The following SOAT2 variants were observed in gnomAD, a reference collection of about 807,000 sequenced individuals.
SOAT2 encodes the protein sterol O-acyltransferase 2, also known as ACAT-2.
In SOAT2, 87 loss-of-function variants were observed where a neutral mutation model predicts 76.0. The observed-to-expected ratio is 1.14, with a 90% confidence interval of 0.96 to 1.37. SOAT2 has a LOEUF of 1.37. Among genes scored for constraint, SOAT2 ranks in the 40% most tolerant of loss-of-function variants. The pLI is 0.00. For synonymous variants in SOAT2, 285 were observed against 275.4 expected (o/e 1.03, Z -0.34); for missense variants, 686 against 682.1 (o/e 1.01, Z -0.06).
Position 53,107,622 on chromosome 12 carries a change from C to CTT in SOAT2, c.443+1625_443+1626dup, listed in dbSNP as rs1303838303. On this transcript the variant is annotated intron_variant, in intron 5 of 14. Transcript: ENST00000301466. ...AGACTAGAATTTAACAACAGATGTA[C>CTT]TTTTTTTTTTTTTTTTTTGAGACAG... 1.0e-4 allele frequency among the ~76,000 whole-genome samples: 12 copies of CTT among 117,024 alleles called. 1 individual carries two copies. The highest frequency in any genetic ancestry group is 1.6e-4 in the Non-Finnish European group (9 of 57,322). 76.8% of individuals were successfully genotyped at this position (117,024 alleles called of 152,430 possible). A position where few individuals can be genotyped will look rare whatever the true frequency, so the allele number is the denominator to read the frequency against.
intron 7 of SOAT2, among the ~76,000 whole-genome samples, chr12:53,116,467 T>C (rs1442937352): frequency 6.6e-6 from 1 of 152,228 alleles, no homozygotes; most frequent in African/African-American, 2.4e-5. Context: ...AGAGTATATT[T>C]AGCATCATTC....
Position 53,105,551 on chromosome 12 carries a change from C to T in SOAT2, c.276-10C>T. ...CTTTTTCCTGACCCTGAACAAACATCTCAATTCAGGACCCAGGAGCCATCC... is the reference window on the plus strand; with the variant it reads ...CTTTTTCCTGACCCTGAACAAACATTTCAATTCAGGACCCAGGAGCCATCC... On this transcript the variant is annotated splice_polypyrimidine_tract_variant and intron_variant, in intron 3 of 14. Coordinates refer to ENST00000301466, the MANE Select transcript of SOAT2 (RefSeq NM_003578.4). 6.2e-7 allele frequency: 1 copy of T among 1,609,886 alleles called. No homozygotes were observed. The highest frequency in any genetic ancestry group is 1.7e-5 in the Admixed American group (1 of 59,752).
chr12:53,116,387 CTTTCCTA>C (rs891889395), intron 7 of SOAT2, among the ~76,000 whole-genome samples: 36 of 152,380 alleles, frequency 2.4e-4, no homozygotes, highest in African/African-American at 7.9e-4. Flanking sequence ...ACTTCTGGCA[CTTTCCTA>C]TTTCCTATTT....
At chr12:53,124,017 C>G in intron 14 of SOAT2, 56 bp from the exon 15 acceptor site, 1 of 1,608,106 alleles carries the variant, frequency 6.2e-7, no homozygotes, top group Non-Finnish European at 8.5e-7. Context: ...GTCTTGGATG[C>G]ATGGGTTGAG....
chr12:53,111,926 C>G lies in SOAT2; in HGVS notation c.444-3464C>G, dbSNP rs112094571. ...TTTCAGTAGTGAAACATGGTATACA[C>G]AAGACATAAATACGCAGACGTATTA... is the stretch of plus-strand genomic sequence containing the variant. On this transcript the variant is annotated intron_variant, in intron 5 of 14. Coordinates refer to ENST00000301466, the MANE Select transcript of SOAT2 (RefSeq NM_003578.4). 8.3e-3 allele frequency among the ~76,000 whole-genome samples: 1,262 copies of G among 152,248 alleles called. 13 individuals carry two copies. Among genetic ancestry groups the G allele is most frequent in the African/African-American group, 0.029 (1,188 of 41,540 alleles).
intron 13 of SOAT2, 108 bp downstream of exon 13, chr12:53,123,324 G>A: frequency 7.1e-7 from 1 of 1,404,012 alleles, no homozygotes; most frequent in Non-Finnish European, 9.9e-7. Flanking sequence ...CAGGCCTGGA[G>A]GCAAGGCTGC....
chr12:53,103,680 C>T (rs1169871510), intron 1 of SOAT2, 21 bp downstream of exon 1: 2 of 1,499,534 alleles, frequency 1.3e-6, no homozygotes, highest in African/African-American at 1.4e-5. Flanking sequence ...CTCGGGGGTG[C>T]AGAAGGCACA....
chr12:53,104,312 AAC>A, intron 2 of SOAT2, 106 bp downstream of exon 2: 2 of 778,456 alleles, frequency 2.6e-6, no homozygotes, highest in Non-Finnish European at 2.1e-6. Context: ...TTTTTTTTGA[AAC>A]AAAGTCTCGC....
intron 5 of SOAT2, among the ~76,000 whole-genome samples, 176 bp downstream of exon 5, chr12:53,106,190 T>C (rs771385278): frequency 1.3e-5 from 2 of 152,254 alleles, no homozygotes; most frequent in Non-Finnish European, 2.9e-5. Flanking sequence ...GATCCCTTCC[T>C]TCCCCAGCCT....
At chr12:53,109,849 A>G (rs1937987488) in intron 5 of SOAT2, among the ~76,000 whole-genome samples, 1 of 152,228 alleles carries the variant, frequency 6.6e-6, no homozygotes, top group Non-Finnish European at 1.5e-5. Context: ...ATGTTTGACC[A>G]TAAGGTAAGA....
At chr12:53,123,348 T>C in intron 13 of SOAT2, 132 bp downstream of exon 13, 1 of 1,167,416 alleles carries the variant, frequency 8.6e-7, no homozygotes, top group South Asian at 1.3e-5. Context: ...GACTGAGAGG[T>C]GGAGTCAAGG....
At chr12:53,117,089 G>T (rs952469018) in intron 7 of SOAT2, among the ~76,000 whole-genome samples, 1 of 151,128 alleles carries the variant, frequency 6.6e-6, no homozygotes, top group Non-Finnish European at 1.5e-5. Flanking sequence ...CTCCTGAGTA[G>T]CTGGGATTAT....
chr12:53,103,803 G>A (rs1937879828), intron 1 of SOAT2, 144 bp downstream of exon 1: 1 of 708,166 alleles, frequency 1.4e-6, no homozygotes, highest in Non-Finnish European at 2.3e-6. Flanking sequence ...CCTGGCCTCA[G>A]CCCAGAGCCA....
chr12:53,121,024 G>A, intron 11 of SOAT2, 141 bp downstream of exon 11: 1 of 710,630 alleles, frequency 1.4e-6, no homozygotes, highest in East Asian at 2.6e-5. Flanking sequence ...CTCTGGATGT[G>A]CTTATAATGC....
chr12:53,123,598 C>T, intron 13 of SOAT2, 130 bp from the exon 14 acceptor site: 1 of 1,082,120 alleles, frequency 9.2e-7, no homozygotes, highest in Non-Finnish European at 1.3e-6. Flanking sequence ...CGAATTTCTG[C>T]ACCTGAGTTC....
chr12:53,117,402 GC>G (rs1213520150), intron 7 of SOAT2, among the ~76,000 whole-genome samples: 1 of 151,582 alleles, frequency 6.6e-6, no homozygotes, highest in Non-Finnish European at 1.5e-5. Flanking sequence ...ATTGAGGCTG[GC>G]CCCTAATTTC....
intron 5 of SOAT2, among the ~76,000 whole-genome samples, chr12:53,109,335 T>G (rs1937980141): frequency 6.6e-6 from 1 of 152,184 alleles, no homozygotes; most frequent in African/African-American, 2.4e-5. Flanking sequence ...TACATACCAA[T>G]AACATATTTA....
Position 53,123,136 on chromosome 12 carries a change from C to T in SOAT2, c.1292C>T (p.Ala431Val). 6.2e-7 allele frequency: 1 copy of T among 1,614,080 alleles called. No homozygotes were observed. Among genetic ancestry groups the T allele is most frequent in the East Asian group, 2.2e-5 (1 of 44,878 alleles). ...VAMLGVFLVS[A>V]VAHEYIFCFV... ...ATGCTGGGTGTGTTCCTGGTCTCCG[C>T]AGTGGCCCATGAGTATATCTTCTGC... Residue 431 changes from alanine (A) to valine (V), a missense_variant, in exon 13 of 15, where the codon GCA becomes GTA. Coordinates refer to ENST00000301466, the MANE Select transcript of SOAT2 (RefSeq NM_003578.4).
chr12:53,114,547 C>T (rs1022806462), intron 5 of SOAT2, among the ~76,000 whole-genome samples: 2 of 151,814 alleles, frequency 1.3e-5, no homozygotes, highest in South Asian at 4.2e-4. Context: ...ATGGTGAAAC[C>T]CTGTCTCTAC....
Sources: allele counts gnomAD v4.1 joint callset (sites outside exome capture counted in the v4.1 genomes callset), GRCh38; gene constraint gnomAD v4.1.1; transcripts MANE v1.5; gene names NCBI Gene and HGNC (gene_info 2026-07-23, HGNC 2026-07-21).